The following ESRRG variants were observed in gnomAD, a reference collection of about 807,000 sequenced individuals.
ESRRG encodes estrogen-related receptor gamma.
A neutral mutation model predicts 44.0 loss-of-function variants in ESRRG; 13 were observed. That is an observed-to-expected ratio of 0.30 (90% CI 0.19 to 0.47). The LOEUF is 0.47. Ranked by LOEUF, ESRRG falls within the 20% of genes least tolerant of loss-of-function variation. ESRRG has a pLI of 1.00. For synonymous variants in ESRRG, 215 were observed against 214.6 expected (o/e 1.00, Z -0.02); for missense variants, 395 against 580.6 (o/e 0.68, Z 3.29).
intron 5 of ESRRG, among the ~76,000 whole-genome samples, chr1:216,540,304 T>G (rs991711809): frequency 6.6e-6 from 1 of 152,060 alleles, no homozygotes; most frequent in African/African-American, 2.4e-5. Context: ...ATAGATCATG[T>G]GGCACACATA....
At position 217,080,280 on chromosome 1, in the gene ESRRG, A is replaced by G. The variant is rs191745670; in HGVS notation, c.-106+9227T>C. ...TGATGTTAAAGATATTACCTGTTTA[A>G]TAAATTTTCCTAAATTGAAAAAAAC... On this transcript the variant is annotated intron_variant, in intron 1 of 7. Coordinates refer to the ESRRG transcript ENST00000359162. 2.4e-4 allele frequency among the ~76,000 whole-genome samples: 37 copies of G among 152,310 alleles called. 1 individual carries two copies. Among genetic ancestry groups the G allele is most frequent in the African/African-American group, 8.4e-4 (35 of 41,570 alleles).
intron 2 of ESRRG, among the ~76,000 whole-genome samples, chr1:216,739,732 G>C (rs11117668): frequency 6.6e-6 from 1 of 152,058 alleles, no homozygotes; most frequent in Non-Finnish European, 1.5e-5. Flanking sequence ...CCAGCTCACT[G>C]CTAACTCCTT....
rs1259337437 is a variant in ESRRG, at chr1:216,577,127, T to C, written c.590-9029A>G. ...CCCAATGTAATTAAAGGAAATCTCC[T>C]ATTCAAAAGGCACTATTTCTTACTT... On this transcript the variant is annotated intron_variant, in intron 3 of 6. Transcript: ENST00000408911. Among the ~76,000 whole-genome samples the C allele has an allele frequency of 2.6e-5, 4 of 151,818 alleles. No individual in the cohort carries two copies. In the East Asian group the frequency reaches 7.8e-4, roughly 29 times the overall value.
At chr1:216,825,354 T>C (rs2148666257) in intron 2 of ESRRG, among the ~76,000 whole-genome samples, 1 of 152,316 alleles carries the variant, frequency 6.6e-6, no homozygotes, top group African/African-American at 2.4e-5. Flanking sequence ...TTAAATGTCC[T>C]AATGAAAACA....
chr1:216,969,476 C>A (rs576308871), intron 1 of ESRRG, among the ~76,000 whole-genome samples: 38 of 152,136 alleles, frequency 2.5e-4, no homozygotes, highest in African/African-American at 8.4e-4. Context: ...GACCACAACC[C>A]ATGATCTAAC....
intron 2 of ESRRG, among the ~76,000 whole-genome samples, chr1:216,669,803 T>C (rs767187861): frequency 1.3e-5 from 2 of 152,120 alleles, no homozygotes; most frequent in African/African-American, 2.4e-5. Context: ...GGAGAATCAC[T>C]TGAACCCAGG....
intron 2 of ESRRG, among the ~76,000 whole-genome samples, chr1:216,851,128 T>A (rs937220489): frequency 6.6e-6 from 1 of 151,496 alleles, no homozygotes; most frequent in African/African-American, 2.4e-5. Flanking sequence ...GAGTATGTTT[T>A]TCTGAACCCT....
At chr1:216,894,954 T>C (rs2149434584) in intron 2 of ESRRG, among the ~76,000 whole-genome samples, 1 of 152,294 alleles carries the variant, frequency 6.6e-6, no homozygotes, top group South Asian at 2.1e-4. Context: ...TCTTTTCAAG[T>C]CTAGTACAGC....
intron 2 of ESRRG, among the ~76,000 whole-genome samples, chr1:216,889,845 T>C (rs2057529757): frequency 2.0e-5 from 3 of 152,226 alleles, no homozygotes; most frequent in Admixed American, 6.5e-5. Context: ...TTACTGTGTA[T>C]AGAAAGTGGA....
At chr1:216,829,865 G>T (rs1291859090) in intron 2 of ESRRG, among the ~76,000 whole-genome samples, 1 of 152,002 alleles carries the variant, frequency 6.6e-6, no homozygotes, top group African/African-American at 2.4e-5. Flanking sequence ...GAAATGCCAC[G>T]TTCTTAACCA....
intron 2 of ESRRG, among the ~76,000 whole-genome samples, chr1:216,828,935 C>T (rs886806538): frequency 1.4e-4 from 21 of 152,160 alleles, no homozygotes; most frequent in African/African-American, 5.1e-4. Flanking sequence ...TGTCTCAATG[C>T]CCCATGGTTA....
chr1:216,677,507 T>TA lies in ESRRG; in HGVS notation c.57-17dup. The TA allele has an allele frequency of 6.5e-7, 1 of 1,537,594 alleles. No individual in the cohort carries two copies. The highest frequency in any genetic ancestry group is 8.9e-7 in the Non-Finnish European group (1 of 1,125,428). On this transcript the variant is annotated splice_polypyrimidine_tract_variant and intron_variant, in intron 1 of 6. Coordinates refer to ENST00000408911, the MANE Select transcript of ESRRG (RefSeq NM_001438.4). ...GCAGAGAAGCCTGAGATTGAGGAGA[T>TA]ACAAAGAGAGACAGAAAGAGGAGAG... is the stretch of plus-strand genomic sequence containing the variant.
chr1:216,875,719 T>C (rs1429409707), intron 2 of ESRRG, among the ~76,000 whole-genome samples: 2 of 152,180 alleles, frequency 1.3e-5, no homozygotes, highest in Non-Finnish European at 2.9e-5. Flanking sequence ...TTATAAATAA[T>C]ATTATGAAGA....
At chr1:217,135,813 G>C (rs367802722) in intron 1 of ESRRG, among the ~76,000 whole-genome samples, 4 of 152,206 alleles carry the variant, frequency 2.6e-5, no homozygotes, top group African/African-American at 9.6e-5. Context: ...ACTCGGAAGC[G>C]GGCGCGGGGA....
intron 1 of ESRRG, among the ~76,000 whole-genome samples, chr1:216,968,837 C>T (rs186675955): frequency 6.6e-6 from 1 of 152,018 alleles, no homozygotes. Context: ...AATATTGAGT[C>T]TTCCTATCCA....
intron 2 of ESRRG, among the ~76,000 whole-genome samples, chr1:216,849,902 G>C (rs961477214): frequency 6.6e-6 from 1 of 152,016 alleles, no homozygotes; most frequent in African/African-American, 2.4e-5. Context: ...TCACATGGAA[G>C]GTATCTTCTT....
chr1:216,939,654 G>A (rs1383447547), exon 2 of ESRRG: 2 of 149,424 alleles, frequency 1.3e-5, no homozygotes, highest in African/African-American at 4.9e-5. Context: ...TTTCATTGAT[G>A]AACCAGTAAA....
At chr1:217,004,685 T>C (rs1404804742) in intron 1 of ESRRG, among the ~76,000 whole-genome samples, 3 of 152,166 alleles carry the variant, frequency 2.0e-5, no homozygotes, top group African/African-American at 7.2e-5. Flanking sequence ...AGAAAACAGA[T>C]TGTGCTGGTT....
intron 3 of ESRRG, among the ~76,000 whole-genome samples, chr1:216,643,343 T>C (rs1207536365): frequency 6.6e-6 from 1 of 152,182 alleles, no homozygotes; most frequent in African/African-American, 2.4e-5. Flanking sequence ...ACAGAACATC[T>C]GGACAACTAA....
Sources: gnomAD v4.1 joint callset for allele counts (sites outside exome capture counted in the v4.1 genomes callset) on GRCh38, gnomAD v4.1.1 for gene constraint, MANE v1.5 for transcripts, NCBI Gene and HGNC (gene_info 2026-07-23, HGNC 2026-07-21) for gene names.